DOCK7: variants seen among roughly 807,000 people sequenced by gnomAD.
DOCK7 encodes the protein dedicator of cytokinesis protein 7.
A neutral mutation model predicts 271.0 loss-of-function variants in DOCK7; 138 were observed. The ratio of observed to expected loss-of-function variants is 0.51; its 90% CI spans 0.44 to 0.59. DOCK7 has a LOEUF of 0.59. DOCK7 is among the 20% of genes least tolerant of loss of function. DOCK7 has a pLI of 0.00. For synonymous variants in DOCK7, 823 were observed against 876.1 expected, an observed-to-expected ratio of 0.94 and a Z score of 1.07; for missense variants, 2,066 against 2,592.4, an observed-to-expected ratio of 0.80 and a Z score of 4.41.
chr1:62,541,909 C>G (rs1003260575), intron 25 of DOCK7, among the ~76,000 whole-genome samples: 1 of 152,132 alleles, frequency 6.6e-6, no homozygotes, highest in Non-Finnish European at 1.5e-5. Flanking sequence ...GGATCTTGCT[C>G]TGTTATCCAT....
chr1:62,467,529 T>G (rs1219963897), intron 48 of DOCK7, among the ~76,000 whole-genome samples: 1 of 152,216 alleles, frequency 6.6e-6, no homozygotes, highest in Non-Finnish European at 1.5e-5. Context: ...ATGGACTGTT[T>G]ATGATAAGGG....
At chr1:62,589,341 G>A (rs1298887722) in intron 14 of DOCK7, among the ~76,000 whole-genome samples, 6 of 151,950 alleles carry the variant, frequency 3.9e-5, no homozygotes, top group Non-Finnish European at 5.9e-5. Flanking sequence ...GTATATTAGA[G>A]TTATTATTCT....
intron 48 of DOCK7, among the ~76,000 whole-genome samples, chr1:62,469,328 C>A (rs12043877): frequency 6.6e-6 from 1 of 152,024 alleles, no homozygotes; most frequent in East Asian, 1.9e-4. Flanking sequence ...GGAAAGGACA[C>A]CCTATTCAAC....
chr1:62,682,637 A>C (rs1219723162), intron 1 of DOCK7, among the ~76,000 whole-genome samples: 1 of 152,234 alleles, frequency 6.6e-6, no homozygotes, highest in Non-Finnish European at 1.5e-5. Flanking sequence ...TCAAGTACAC[A>C]TAAGGTAAGC....
chr1:62,488,523 TTAG>T (rs1391956546), intron 42 of DOCK7: 5 of 183,466 alleles, frequency 2.7e-5, no homozygotes, highest in Non-Finnish European at 5.7e-5. Flanking sequence ...ATTAAAAATA[TTAG>T]TAGTTTAATT....
At chr1:62,568,709 A>G (rs1646617596) in intron 18 of DOCK7, among the ~76,000 whole-genome samples, 2 of 151,424 alleles carry the variant, frequency 1.3e-5, no homozygotes, top group African/African-American at 4.8e-5. Context: ...CAAAAAACCC[A>G]AAGCTAGCAG....
In DOCK7 at chr1:62,477,699, C is replaced by T. The variant is rs1646006817; in HGVS notation, c.5634+1G>A. On this transcript the variant is annotated splice_donor_variant, in intron 44 of 49. Coordinates refer to ENST00000635253, the MANE Select transcript of DOCK7 (RefSeq NM_001367561.1). LOFTEE classifies it high-confidence loss of function. ...ATTTTATGAACCACCACAGCATTCA[C>T]CTCCAATCTGTGAGATATCTCTGCA... 6.2e-7 allele frequency: 1 copy of T among 1,601,048 alleles called. No individual in the cohort carries two copies.
chr1:62,624,356 T>C (rs934681993), intron 12 of DOCK7, among the ~76,000 whole-genome samples: 3 of 152,188 alleles, frequency 2.0e-5, no homozygotes, highest in Non-Finnish European at 2.9e-5. Context: ...ACTAAGCTAA[T>C]TTTCATTATC....
chr1:62,575,952 C>T (rs1646930450), intron 18 of DOCK7, among the ~76,000 whole-genome samples: 2 of 152,020 alleles, frequency 1.3e-5, no homozygotes, highest in Admixed American at 1.3e-4. Context: ...CAAATGGCCA[C>T]CTTTCTATAT....
intron 1 of DOCK7, among the ~76,000 whole-genome samples, chr1:62,667,185 A>C (rs1401618738): frequency 6.6e-6 from 1 of 152,228 alleles, no homozygotes; most frequent in East Asian, 1.9e-4. Context: ...TGGGACCAGA[A>C]GTAAAGCCTG....
At chr1:62,646,130 T>C (rs530749927) in intron 7 of DOCK7, among the ~76,000 whole-genome samples, 1 of 136,826 alleles carries the variant, frequency 7.3e-6, no homozygotes, top group Non-Finnish European at 1.5e-5. Flanking sequence ...CTGGGCAACA[T>C]GGGCAACAGA....
At chr1:62,642,960 T>G (rs1226594096) in intron 7 of DOCK7, among the ~76,000 whole-genome samples, 1 of 152,226 alleles carries the variant, frequency 6.6e-6, no homozygotes, top group Non-Finnish European at 1.5e-5. Flanking sequence ...CAGGCTACCC[T>G]TGTGATTTGT....
intron 1 of DOCK7, among the ~76,000 whole-genome samples, chr1:62,675,357 G>T (rs1394746593): frequency 6.6e-6 from 1 of 152,056 alleles, no homozygotes; most frequent in Admixed American, 6.6e-5. Context: ...GAGCTATAAC[G>T]CACCACTGAA....
chr1:62,504,871 G>A (rs1166804333), intron 36 of DOCK7, 89 bp from the exon 37 acceptor site: 72 of 1,409,112 alleles, frequency 5.1e-5, no homozygotes, highest in Non-Finnish European at 6.6e-5. Flanking sequence ...AGACTTGTTA[G>A]TATAGCCCAG....
chr1:62,574,101 G>A (rs1160993774), intron 18 of DOCK7, among the ~76,000 whole-genome samples: 1 of 151,980 alleles, frequency 6.6e-6, no homozygotes, highest in African/African-American at 2.4e-5. Context: ...AACACAGAAG[G>A]CATCAGAGTC....
chr1:62,458,334 G>C (rs1333611154), intron 48 of DOCK7: 5 of 152,102 alleles, frequency 3.3e-5, no homozygotes, highest in African/African-American at 1.2e-4. Flanking sequence ...GTTTAAGGCA[G>C]GGAACAGATA....
chr1:62,497,803 A>G (rs1646665310), intron 37 of DOCK7, among the ~76,000 whole-genome samples: 1 of 152,298 alleles, frequency 6.6e-6, no homozygotes, highest in Admixed American at 6.5e-5. Flanking sequence ...CAGCTGTCCA[A>G]AGTTTTGAGG....
In DOCK7 at chr1:62,653,733, G is replaced by A; in HGVS notation, c.381C>T (p.Val127=). The A allele has an allele frequency of 6.4e-7, 1 of 1,570,490 alleles. No individual in the cohort carries two copies. The highest frequency in any genetic ancestry group is 2.2e-5 in the East Asian group (1 of 44,592). The part of the protein sequence containing the change: ...IRSYTEDWAI[V]IRKYHKLGTG... ...ATAAACATATAACTTACTTTCTGAT[G>A]ACAATTGCCCAGTCTTCTGTATAAC... Residue 127 remains valine, a synonymous_variant, in exon 4 of 50, where the codon GTC becomes GTT. Coordinates refer to ENST00000635253, the MANE Select transcript of DOCK7 (RefSeq NM_001367561.1).
intron 44 of DOCK7, 143 bp from the exon 45 acceptor site, chr1:62,476,299 C>T: frequency 3.5e-6 from 2 of 566,144 alleles, no homozygotes; most frequent in South Asian, 2.8e-5. Flanking sequence ...ATGATTTAGG[C>T]TTACAAAAAT....
Sources: gnomAD v4.1 joint callset for allele counts (sites outside exome capture counted in the v4.1 genomes callset) on GRCh38, gnomAD v4.1.1 for gene constraint, MANE v1.5 for transcripts, NCBI Gene and HGNC (gene_info 2026-07-23, HGNC 2026-07-21) for gene names.